ARLN: variants seen among roughly 807,000 people sequenced by gnomAD.
The protein encoded by ARLN is sarcoplasmic/endoplasmic reticulum calcium ATPase regulator ARLN.
At chr4:119,304,207 T>TCACACACACA in the ARLN span, 1 of 1,455,240 alleles carries the variant, frequency 6.9e-7, no homozygotes, top group Non-Finnish European at 9.3e-7. Context: ...TCACTACAAT[T>TCACACACACA]CACATTGATC....
the ARLN span, chr4:119,300,651 G>A: frequency 1.9e-6 from 3 of 1,566,922 alleles, no homozygotes; most frequent in South Asian, 1.1e-5. Flanking sequence ...AGTGCGCCGC[G>A]CCCCGGGTTC....
chr4:119,300,455 G>A, the ARLN span: 1 of 1,614,008 alleles, frequency 6.2e-7, no homozygotes, highest in African/African-American at 1.3e-5. Context: ...TCACATCGAA[G>A]TTCTGCCTCC....
chr4:119,301,520 C>T, the ARLN span, among the ~76,000 whole-genome samples: 4 of 152,060 alleles, frequency 2.6e-5, no homozygotes, highest in African/African-American at 4.8e-5. Context: ...AGAAAATGAC[C>T]TATACTGCCT....
chr4:119,300,419 A>C, the ARLN span: 1 of 1,613,858 alleles, frequency 6.2e-7, no homozygotes, highest in Non-Finnish European at 8.5e-7. Context: ...AGTGTTTGGG[A>C]AGCCCATTTG....
chr4:119,303,435 A>G, the ARLN span, among the ~76,000 whole-genome samples: 1 of 151,840 alleles, frequency 6.6e-6, no homozygotes, highest in African/African-American at 2.4e-5. Flanking sequence ...GAGTTTCGCC[A>G]TGTTGGCCAG....
At chr4:119,304,441 G>T in the ARLN span, 1 of 1,521,904 alleles carries the variant, frequency 6.6e-7, no homozygotes, top group South Asian at 1.2e-5. Context: ...TATTAGACTG[G>T]TCATCTTTCA....
At chr4:119,300,627 C>T in the ARLN span, 1 of 1,591,834 alleles carries the variant, frequency 6.3e-7, no homozygotes, top group Non-Finnish European at 8.5e-7. Flanking sequence ...TGAGCGGAGT[C>T]CGGCCGCCTG....
At chr4:119,301,158 C>CT in the ARLN span, among the ~76,000 whole-genome samples, 14 of 149,734 alleles carry the variant, frequency 9.3e-5, no homozygotes, top group Non-Finnish European at 1.8e-4. Flanking sequence ...AATCCCAGCA[C>CT]TTTGAGAGGC....
the ARLN span, among the ~76,000 whole-genome samples, chr4:119,301,337 T>A: frequency 6.7e-6 from 1 of 149,358 alleles, no homozygotes; most frequent in East Asian, 2.0e-4. Context: ...GGCAGGAGAA[T>A]CGCTTGAACC....
chr4:119,298,721 A>G, the ARLN span: 2 of 762,328 alleles, frequency 2.6e-6, no homozygotes, highest in Non-Finnish European at 4.9e-6. Flanking sequence ...AGAAGTTTGT[A>G]GCCATTTTCA....
At chr4:119,299,079 T>G in the ARLN span, among the ~76,000 whole-genome samples, 4 of 152,038 alleles carry the variant, frequency 2.6e-5, no homozygotes, top group African/African-American at 4.8e-5. Context: ...CATTAATCCC[T>G]CTCGCTCCCC....
chr4:119,298,384 A>G, the ARLN span: 1 of 158,868 alleles, frequency 6.3e-6, no homozygotes, highest in Non-Finnish European at 1.4e-5. Context: ...ATTCATAAAA[A>G]CCTTCCCTTA....
At chr4:119,303,773 A>G in the ARLN span, among the ~76,000 whole-genome samples, 1 of 152,124 alleles carries the variant, frequency 6.6e-6, no homozygotes, top group East Asian at 1.9e-4. Flanking sequence ...AGTCCTAGCT[A>G]CTCAGGAGGC....
chr4:119,303,676 G>A, the ARLN span, among the ~76,000 whole-genome samples: 2 of 152,140 alleles, frequency 1.3e-5, no homozygotes, highest in Non-Finnish European at 2.9e-5. Context: ...TTGAGCCTAG[G>A]TGTTCGAGAC....
the ARLN span, among the ~76,000 whole-genome samples, chr4:119,303,192 T>G: frequency 6.6e-6 from 1 of 151,982 alleles, no homozygotes; most frequent in Admixed American, 6.6e-5. Context: ...TTCTGGGTCA[T>G]TTTATTTATT....
the ARLN span, among the ~76,000 whole-genome samples, chr4:119,302,915 G>A: frequency 6.6e-6 from 1 of 152,254 alleles, no homozygotes; most frequent in Non-Finnish European, 1.5e-5. Flanking sequence ...TAACCTAAGG[G>A]ATAATGCAAA....
the ARLN span, chr4:119,297,726 G>A: frequency 3.3e-5 from 5 of 152,686 alleles, 1 homozygote; most frequent in South Asian, 1.0e-3. Context: ...CAAAGTGCTG[G>A]GATTATAGGC....
At chr4:119,299,448 A>G in the ARLN span, among the ~76,000 whole-genome samples, 4 of 152,194 alleles carry the variant, frequency 2.6e-5, no homozygotes, top group Non-Finnish European at 5.9e-5. Context: ...ATCAACTCCA[A>G]AGTCCAGGAG....
the ARLN span, chr4:119,304,425 G>C: frequency 6.5e-7 from 1 of 1,534,610 alleles, no homozygotes; most frequent in Non-Finnish European, 8.7e-7. Context: ...TATTAATGGG[G>C]CTATTTATTA....
Sources: allele counts gnomAD v4.1 joint callset (sites outside exome capture counted in the v4.1 genomes callset), GRCh38; gene constraint gnomAD v4.1.1; transcripts MANE v1.5; gene names NCBI Gene and HGNC (gene_info 2026-07-23, HGNC 2026-07-21).